DMRT1: variants seen among roughly 807,000 people sequenced by gnomAD.
DMRT1 encodes the protein doublesex- and mab-3-related transcription factor 1.
DMRT1 carries 7 observed loss-of-function variants against 32.3 expected under a neutral mutation model. That is an observed-to-expected ratio of 0.22 (90% confidence interval 0.12 to 0.41). The LOEUF (loss-of-function observed/expected upper bound fraction) is 0.41, where lower values mean the gene tolerates loss of function less well. Ranked by LOEUF, DMRT1 falls within the 10% of genes least tolerant of loss-of-function variation. The pLI, the probability that DMRT1 is intolerant of heterozygous loss-of-function variation, is 1.00. For missense variants in DMRT1, 625 were observed against 500.5 expected (o/e 1.25, Z -2.37); for synonymous variants, 278 against 206.1 (o/e 1.35, Z -2.99).
chr9:851,578 C>A (rs752249462), intron 2 of DMRT1, among the ~76,000 whole-genome samples: 24 of 152,214 alleles, frequency 1.6e-4, no homozygotes, highest in Middle Eastern at 3.4e-3. Context: ...TAGTTATCTC[C>A]TTTTGGCTCC....
intron 2 of DMRT1, among the ~76,000 whole-genome samples, chr9:871,659 A>G (rs1816268077): frequency 7.2e-6 from 1 of 139,712 alleles, no homozygotes. Context: ...TATTTTTAGT[A>G]GAGACGGGGT....
intron 4 of DMRT1, 80 bp downstream of exon 4, chr9:916,987 TG>T: frequency 2.7e-6 from 4 of 1,483,194 alleles, no homozygotes; most frequent in Non-Finnish European, 3.8e-6. Context: ...CTGTGTCTAA[TG>T]GCTTAGCTGT....
chr9:864,953 G>A (rs1202534213), intron 2 of DMRT1, among the ~76,000 whole-genome samples: 1 of 152,168 alleles, frequency 6.6e-6, no homozygotes, highest in African/African-American at 2.4e-5. Context: ...GTATGGCCGT[G>A]ATGCAGGAAT....
At chr9:966,225 C>G (rs1819926606) in intron 4 of DMRT1, among the ~76,000 whole-genome samples, 2 of 152,096 alleles carry the variant, frequency 1.3e-5, no homozygotes, top group South Asian at 2.1e-4. Context: ...TAGTAAGATA[C>G]TTTTATGAAC....
At chr9:956,563 C>CAAA (rs199499677) in intron 4 of DMRT1, among the ~76,000 whole-genome samples, 3 of 84,186 alleles carry the variant, frequency 3.6e-5, no homozygotes, top group African/African-American at 8.9e-5. Flanking sequence ...GACCCTGTCT[C>CAAA]AAAAAAAAAA....
intron 3 of DMRT1, among the ~76,000 whole-genome samples, chr9:895,866 G>T (rs1434882509): frequency 1.3e-5 from 2 of 148,252 alleles, no homozygotes; most frequent in African/African-American, 5.0e-5. Context: ...GTACAGTGGC[G>T]CGATCTCGGC....
At chr9:843,403 T>A (rs1838774862) in intron 1 of DMRT1, among the ~76,000 whole-genome samples, 1 of 152,266 alleles carries the variant, frequency 6.6e-6, no homozygotes, top group African/African-American at 2.4e-5. Flanking sequence ...TTTATTAGCA[T>A]TTTAAAATTT....
intron 2 of DMRT1, among the ~76,000 whole-genome samples, chr9:868,310 C>T (rs2132599859): frequency 6.6e-6 from 1 of 152,278 alleles, no homozygotes; most frequent in Middle Eastern, 3.4e-3. Context: ...CAAGCATTAT[C>T]CTGGATCTTA....
intron 2 of DMRT1, among the ~76,000 whole-genome samples, chr9:851,295 G>T (rs967678796): frequency 9.2e-5 from 14 of 152,082 alleles, no homozygotes; most frequent in Admixed American, 5.2e-4. Flanking sequence ...CTGGAGTGCA[G>T]TGGTGCAATC....
intron 2 of DMRT1, among the ~76,000 whole-genome samples, chr9:858,415 A>G (rs1815496169): frequency 6.6e-6 from 1 of 152,156 alleles, no homozygotes; most frequent in Non-Finnish European, 1.5e-5. Context: ...TTTGACTCAC[A>G]TATTCCTAGT....
At chr9:896,090 A>G (rs987104876) in intron 3 of DMRT1, among the ~76,000 whole-genome samples, 2 of 150,720 alleles carry the variant, frequency 1.3e-5, no homozygotes, top group African/African-American at 2.4e-5. Flanking sequence ...GGCATGAGCC[A>G]CCACTCCCAG....
intron 2 of DMRT1, among the ~76,000 whole-genome samples, chr9:873,321 T>TC (rs1374067445): frequency 6.6e-6 from 1 of 152,076 alleles, no homozygotes; most frequent in Admixed American, 6.6e-5. Context: ...TTTTTTTTTT[T>TC]TGAGATGGAG....
chr9:942,168 A>G (rs1310589300), intron 4 of DMRT1, among the ~76,000 whole-genome samples: 4 of 152,188 alleles, frequency 2.6e-5, no homozygotes, highest in Non-Finnish European at 5.9e-5. Context: ...GATGGGGGGT[A>G]AATCTTTTGA....
At chr9:939,102 T>A (rs1016673605) in intron 4 of DMRT1, among the ~76,000 whole-genome samples, 2 of 152,242 alleles carry the variant, frequency 1.3e-5, no homozygotes, top group Admixed American at 6.5e-5. Flanking sequence ...TTTATGCCTG[T>A]GCATCCTTTT....
intron 2 of DMRT1, among the ~76,000 whole-genome samples, chr9:867,684 C>T (rs1300269969): frequency 2.0e-5 from 3 of 152,208 alleles, no homozygotes; most frequent in Non-Finnish European, 4.4e-5. Context: ...AGCCCATGCT[C>T]ATGCCCTACA....
In DMRT1 at chr9:901,483, T is replaced by C. The variant is rs796499985; in HGVS notation, c.822+7288T>C. Among the ~76,000 whole-genome samples the C allele has an allele frequency of 6.6e-5, 10 of 151,962 alleles. 1 individual carries two copies. The highest frequency in any genetic ancestry group is 2.4e-4 in the African/African-American group (10 of 41,448). On this transcript the variant is annotated intron_variant, in intron 3 of 4. Coordinates refer to ENST00000382276, the MANE Select transcript of DMRT1 (RefSeq NM_021951.3). ...CTGGGATTACAGGCCCCTGCCACCA[T>C]GCCTGGCTAATTTTTGTATTTTTAG...
intron 4 of DMRT1, among the ~76,000 whole-genome samples, chr9:959,677 G>C (rs2129990953): frequency 6.6e-6 from 1 of 152,214 alleles, no homozygotes; most frequent in Non-Finnish European, 1.5e-5. Flanking sequence ...ACAGGCATGT[G>C]CTACTATGCC....
intron 3 of DMRT1, among the ~76,000 whole-genome samples, chr9:896,849 C>G (rs1002160159): frequency 5.3e-5 from 8 of 151,966 alleles, no homozygotes; most frequent in Non-Finnish European, 1.0e-4. Flanking sequence ...AAGCCCACTT[C>G]AAGAAAATGT....
intron 3 of DMRT1, among the ~76,000 whole-genome samples, chr9:896,619 C>T (rs111687335): frequency 0.041 from 6,195 of 152,056 alleles, 184 homozygotes; most frequent in African/African-American, 0.086. Context: ...TCAAGACCTG[C>T]GTGGCCATCA....
Sources: allele counts gnomAD v4.1 joint callset (sites outside exome capture counted in the v4.1 genomes callset), GRCh38; gene constraint gnomAD v4.1.1; transcripts MANE v1.5; gene names NCBI Gene and HGNC (gene_info 2026-07-23, HGNC 2026-07-21).